The following PDE10A variants were observed in gnomAD, a reference collection of about 807,000 sequenced individuals.
PDE10A encodes the protein phosphodiesterase 10A.
In PDE10A, 39 loss-of-function variants were observed where a neutral mutation model predicts 97.7. That is an observed-to-expected ratio of 0.40 (90% CI 0.31 to 0.52). PDE10A has a LOEUF of 0.52. Ranked by LOEUF, PDE10A falls within the 20% of genes least tolerant of loss-of-function variation. PDE10A has a pLI of 0.56. For missense variants in PDE10A, 731 were observed against 1,047.8 expected, an observed-to-expected ratio of 0.70 and a Z score of 4.17; for synonymous variants, 371 against 376.8, an observed-to-expected ratio of 0.98 and a Z score of 0.18.
chr6:165,500,354 T>C (rs1020769843), intron 2 of PDE10A, among the ~76,000 whole-genome samples: 73 of 152,178 alleles, frequency 4.8e-4, no homozygotes, highest in African/African-American at 1.5e-3. Context: ...CTCCATTTTG[T>C]TCTGTACTAG....
chr6:165,756,349 A>G (rs1793117461), intron 1 of PDE10A, among the ~76,000 whole-genome samples: 1 of 152,162 alleles, frequency 6.6e-6, no homozygotes, highest in Non-Finnish European at 1.5e-5. Flanking sequence ...AAAATTATAA[A>G]AACTCATATA....
chr6:165,367,376 C>T (rs1039781906), intron 18 of PDE10A, among the ~76,000 whole-genome samples: 2 of 151,828 alleles, frequency 1.3e-5, no homozygotes, highest in African/African-American at 4.8e-5. Flanking sequence ...AATACACAAA[C>T]CATTACCAGT....
intron 15 of PDE10A, among the ~76,000 whole-genome samples, chr6:165,393,193 T>C (rs1405680817): frequency 1.3e-5 from 2 of 152,128 alleles, no homozygotes; most frequent in African/African-American, 4.8e-5. Context: ...GCTAATATTT[T>C]CCAAAAAGAA....
At chr6:165,895,495 C>T (rs1285967227) in intron 1 of PDE10A, among the ~76,000 whole-genome samples, 1 of 152,190 alleles carries the variant, frequency 6.6e-6, no homozygotes, top group Non-Finnish European at 1.5e-5. Flanking sequence ...TTCTGGCCTC[C>T]ACAACTGAGA....
At chr6:165,758,375 T>G (rs1376249926) in intron 1 of PDE10A, among the ~76,000 whole-genome samples, 1 of 152,026 alleles carries the variant, frequency 6.6e-6, no homozygotes, top group Non-Finnish European at 1.5e-5. Context: ...GCAGGAGAAT[T>G]GCTGGAGCCC....
intron 1 of PDE10A, among the ~76,000 whole-genome samples, chr6:165,571,954 G>A (rs1490814698): frequency 6.6e-6 from 1 of 152,158 alleles, no homozygotes; most frequent in East Asian, 1.9e-4. Flanking sequence ...GAAATGCTAT[G>A]AGTAGAAACA....
chr6:165,976,413 C>T (rs963379274), intron 1 of PDE10A, among the ~76,000 whole-genome samples: 4 of 152,080 alleles, frequency 2.6e-5, no homozygotes, highest in Non-Finnish European at 5.9e-5. Context: ...TCAAAATGTT[C>T]CAATTCACTT....
rs150615859 is a variant in PDE10A, at chr6:165,430,301, T to C, written c.1587A>G (p.Leu529=). The change falls in exon 9 of 22, where the codon CTA becomes CTG. Residue 529 remains leucine, a synonymous_variant. Coordinates refer to ENST00000539869, the MANE Select transcript of PDE10A (RefSeq NM_001385079.1). ...LAKQTELNDF[L]LDVSKTYFDN... is the part of the protein sequence containing the mutation. ...TGAACACTTACTTTGATACGTCGAG[T>C]AGGAAGTCATTCAATTCTGTCTGTT... is the stretch of plus-strand genomic sequence containing the variant. 47 of 1,608,552 alleles carry C rather than the reference T, an allele frequency of 2.9e-5. No homozygotes were observed. The East Asian group carries it at 8.3e-4, about 28-fold the overall frequency.
intron 1 of PDE10A, among the ~76,000 whole-genome samples, chr6:165,892,559 G>A (rs1781833767): frequency 6.6e-6 from 1 of 152,186 alleles, no homozygotes; most frequent in Non-Finnish European, 1.5e-5. Context: ...CAAGGCATGG[G>A]TGCATGCGCT....
rs558843821 is a variant in PDE10A at position 165,402,744 on chromosome 6, C to T, written c.2077-6285G>A. On this transcript the variant is annotated intron_variant, in intron 13 of 21. Coordinates refer to ENST00000539869, the MANE Select transcript of PDE10A (RefSeq NM_001385079.1). ...AACAGGACTGTAAGAGCATGTCTACCACACATTAAAAATACATCCATTCAC... is the reference window on the plus strand; with the variant it reads ...AACAGGACTGTAAGAGCATGTCTACTACACATTAAAAATACATCCATTCAC... 6.4e-4 allele frequency among the ~76,000 whole-genome samples: 98 copies of T among 152,266 alleles called. No individual in the cohort carries two copies. In the South Asian group the frequency reaches 6.6e-3, roughly 10 times the overall value.
intron 10 of PDE10A, among the ~76,000 whole-genome samples, chr6:165,423,939 C>A (rs2322926): frequency 0.028 from 4,226 of 152,198 alleles, 197 homozygotes; most frequent in African/African-American, 0.095. Context: ...AGTCTAACCT[C>A]ATTCCCCACT....
intron 1 of PDE10A, among the ~76,000 whole-genome samples, chr6:165,849,993 T>C (rs1780532414): frequency 2.0e-5 from 3 of 152,176 alleles, no homozygotes; most frequent in Non-Finnish European, 4.4e-5. Flanking sequence ...ATCCATCATT[T>C]TCCCGCTTCC....
chr6:165,722,085 T>A (rs544977069), intron 1 of PDE10A, among the ~76,000 whole-genome samples: 5 of 152,232 alleles, frequency 3.3e-5, no homozygotes, highest in Non-Finnish European at 5.9e-5. Context: ...TGCAAAAATT[T>A]TCAAGTGGCA....
At chr6:165,527,602 A>T (rs931809425) in intron 2 of PDE10A, among the ~76,000 whole-genome samples, 3 of 152,218 alleles carry the variant, frequency 2.0e-5, no homozygotes, top group Non-Finnish European at 4.4e-5. Context: ...TCATCAAGTC[A>T]TCATGCGACC....
At chr6:165,843,080 A>G (rs1780305049) in intron 1 of PDE10A, among the ~76,000 whole-genome samples, 1 of 152,198 alleles carries the variant, frequency 6.6e-6, no homozygotes, top group Non-Finnish European at 1.5e-5. Flanking sequence ...TGCTCAGCCC[A>G]CCTGACAGCG....
intron 1 of PDE10A, among the ~76,000 whole-genome samples, chr6:165,792,123 C>T (rs1358134681): frequency 7.2e-5 from 11 of 152,204 alleles, no homozygotes; most frequent in South Asian, 6.2e-4. Flanking sequence ...GTCATGCACC[C>T]GCATTCCCAC....
At chr6:165,631,185 T>C (rs1788612487) in intron 1 of PDE10A, among the ~76,000 whole-genome samples, 1 of 152,218 alleles carries the variant, frequency 6.6e-6, no homozygotes, top group Admixed American at 6.5e-5. Context: ...CAATTTCATA[T>C]GTTATTAAGA....
chr6:165,922,944 G>A (rs951261396), intron 1 of PDE10A, among the ~76,000 whole-genome samples: 1 of 152,018 alleles, frequency 6.6e-6, no homozygotes, highest in Non-Finnish European at 1.5e-5. Context: ...TAATCCCAAA[G>A]TCTACACAGA....
chr6:165,459,538 CAGACAGACAGACAGACAGACAGAT>C (rs1778186910), intron 3 of PDE10A, among the ~76,000 whole-genome samples: 4 of 125,266 alleles, frequency 3.2e-5, no homozygotes, highest in Non-Finnish European at 6.3e-5. Context: ...GACAGACAGA[CAGACAGACAGACAGACAGACAGAT>C]AGATAGATAA....
Sources: gnomAD v4.1 joint callset for allele counts (sites outside exome capture counted in the v4.1 genomes callset) on GRCh38, gnomAD v4.1.1 for gene constraint, MANE v1.5 for transcripts, NCBI Gene and HGNC (gene_info 2026-07-23, HGNC 2026-07-21) for gene names.